The following ERC2 variants were observed in gnomAD, a reference collection of about 807,000 sequenced individuals.
ERC2 encodes ELKS/RAB6-interacting/CAST family member 2.
A neutral mutation model predicts 114.8 loss-of-function variants in ERC2; 42 were observed. The ratio of observed to expected loss-of-function variants is 0.37; its 90% confidence interval spans 0.29 to 0.47. The LOEUF (loss-of-function observed/expected upper bound fraction) is 0.47. Among genes scored for constraint, ERC2 ranks in the 20% least tolerant of loss-of-function variants. ERC2 has a pLI of 0.99. For missense variants in ERC2, 939 were observed against 1,150.7 expected (o/e 0.82, Z 2.66); for synonymous variants, 454 against 425.5 (o/e 1.07, Z -0.82).
intron 14 of ERC2, among the ~76,000 whole-genome samples, chr3:55,793,908 C>G (rs980906858): frequency 6.6e-6 from 1 of 152,138 alleles, no homozygotes; most frequent in East Asian, 1.9e-4. Context: ...CAAGTAAAAT[C>G]CCTGTGTAAT....
intron 5 of ERC2, among the ~76,000 whole-genome samples, chr3:56,144,195 T>C (rs550171450): frequency 6.6e-6 from 1 of 152,358 alleles, no homozygotes; most frequent in Non-Finnish European, 1.5e-5. Flanking sequence ...CTGAAACACA[T>C]TATTTCTTTA....
At chr3:55,738,577 T>TCA (rs1318730812) in intron 14 of ERC2, among the ~76,000 whole-genome samples, 1 of 152,044 alleles carries the variant, frequency 6.6e-6, no homozygotes, top group African/African-American at 2.4e-5. Context: ...ACACATATTT[T>TCA]CACACACACA....
chr3:55,514,419 A>G (rs1285561001), intron 17 of ERC2, among the ~76,000 whole-genome samples: 1 of 152,236 alleles, frequency 6.6e-6, no homozygotes, highest in Non-Finnish European at 1.5e-5. Flanking sequence ...GTGCCACTCC[A>G]GACAAGAGTA....
At chr3:55,957,537 G>A (rs1026075034) in intron 12 of ERC2, among the ~76,000 whole-genome samples, 1 of 152,166 alleles carries the variant, frequency 6.6e-6, no homozygotes, top group Non-Finnish European at 1.5e-5. Context: ...ACCCCTGCTT[G>A]GGTTTTGCTT....
chr3:56,275,175 A>T (rs903137814), intron 3 of ERC2, among the ~76,000 whole-genome samples: 4 of 152,218 alleles, frequency 2.6e-5, no homozygotes, highest in Non-Finnish European at 4.4e-5. Context: ...GTCACAGCTT[A>T]AAGAAAGTAA....
chr3:56,238,293 T>C (rs2051098320), intron 3 of ERC2, among the ~76,000 whole-genome samples: 1 of 152,146 alleles, frequency 6.6e-6, no homozygotes, highest in Admixed American at 6.5e-5. Flanking sequence ...AGGTGTTTAG[T>C]GTTGAAGTAG....
intron 17 of ERC2, among the ~76,000 whole-genome samples, chr3:55,583,369 GCCTTCTTT>G (rs2057359567): frequency 7.0e-6 from 1 of 142,444 alleles, no homozygotes; most frequent in African/African-American, 2.6e-5. Flanking sequence ...CTGCCTGCCT[GCCTTCTTT>G]CCTTCTTTCT....
chr3:56,328,798 A>G (rs1323175248), intron 2 of ERC2, among the ~76,000 whole-genome samples: 1 of 152,188 alleles, frequency 6.6e-6, no homozygotes, highest in Non-Finnish European at 1.5e-5. Context: ...AGCAAGTCCA[A>G]TCTCAGAAGC....
intron 3 of ERC2, among the ~76,000 whole-genome samples, chr3:56,176,762 C>T (rs909159805): frequency 2.0e-4 from 30 of 152,300 alleles, no homozygotes; most frequent in African/African-American, 6.5e-4. Context: ...TATTACAATA[C>T]TCACTCTGTG....
chr3:55,801,237 G>A (rs1001628727), intron 14 of ERC2, among the ~76,000 whole-genome samples: 4 of 152,088 alleles, frequency 2.6e-5, no homozygotes, highest in African/African-American at 9.7e-5. Context: ...TTCTTAAGAC[G>A]CCCATAAACT....
chr3:55,906,509 G>C (rs896594856), intron 13 of ERC2, among the ~76,000 whole-genome samples: 1 of 150,660 alleles, frequency 6.6e-6, no homozygotes, highest in Non-Finnish European at 1.5e-5. Context: ...AAATGTATTT[G>C]AATGTACGTT....
chr3:56,396,617 A>G (rs953997749), intron 2 of ERC2, among the ~76,000 whole-genome samples: 1 of 152,246 alleles, frequency 6.6e-6, no homozygotes, highest in Non-Finnish European at 1.5e-5. Flanking sequence ...GTTTAATGAC[A>G]TATCTTAGAG....
chr3:56,032,909 A>AAGAAAGAAAGAGAGAGAGAGAC (rs2074474976), intron 7 of ERC2, among the ~76,000 whole-genome samples: 4 of 56,872 alleles, frequency 7.0e-5, no homozygotes, highest in East Asian at 4.1e-4. Context: ...GACAGAAAGA[A>AAGAAAGAAAGAGAGAGAGAGAC]AGAAAGAAAG....
intron 4 of ERC2, among the ~76,000 whole-genome samples, chr3:56,153,416 C>T (rs541950444): frequency 6.6e-6 from 1 of 152,146 alleles, no homozygotes; most frequent in East Asian, 1.9e-4. Flanking sequence ...ACAAGATCCT[C>T]GGGTGATTCG....
intron 2 of ERC2, among the ~76,000 whole-genome samples, chr3:56,307,845 C>T (rs1034746064): frequency 1.3e-5 from 2 of 151,998 alleles, no homozygotes; most frequent in South Asian, 2.1e-4. Flanking sequence ...CACACACACA[C>T]ACACACACAC....
At chr3:55,864,172 T>TATATATATATATACAC (rs1559783267) in intron 14 of ERC2, among the ~76,000 whole-genome samples, 2 of 113,490 alleles carry the variant, frequency 1.8e-5, no homozygotes, top group African/African-American at 8.1e-5. Context: ...TATATACACA[T>TATATATATATATACAC]ATATATATAC....
intron 16 of ERC2, among the ~76,000 whole-genome samples, chr3:55,691,502 G>A (rs1253341664): frequency 8.0e-6 from 1 of 124,234 alleles, no homozygotes; most frequent in East Asian, 2.5e-4. Context: ...CAAAACTCAA[G>A]GCTCCTTCCA....
intron 3 of ERC2, among the ~76,000 whole-genome samples, chr3:56,216,500 A>AAT (rs2049482233): frequency 6.6e-6 from 1 of 152,224 alleles, no homozygotes; most frequent in Non-Finnish European, 1.5e-5. Context: ...AGCAATAATT[A>AAT]ATAGCTTACC....
At chr3:55,759,817 C>T (rs2067309490) in intron 14 of ERC2, among the ~76,000 whole-genome samples, 1 of 152,150 alleles carries the variant, frequency 6.6e-6, no homozygotes, top group African/African-American at 2.4e-5. Context: ...AAGAGCAGGG[C>T]ACTTAAACTT....
Sources: gnomAD v4.1 joint callset for allele counts (sites outside exome capture counted in the v4.1 genomes callset) on GRCh38, gnomAD v4.1.1 for gene constraint, MANE v1.5 for transcripts, NCBI Gene and HGNC (gene_info 2026-07-23, HGNC 2026-07-21) for gene names.